CFAP70: variants seen among roughly 807,000 people sequenced by gnomAD.
CFAP70 encodes the protein cilia and flagella associated protein 70.
CFAP70 carries 81 observed loss-of-function variants against 137.6 expected under a neutral mutation model. The ratio of observed to expected loss-of-function variants is 0.59; its 90% CI spans 0.49 to 0.71. CFAP70 has a LOEUF of 0.71. Among genes scored for constraint, CFAP70 ranks in the 30% least tolerant of loss-of-function variants. The probability of loss-of-function intolerance (pLI) is 0.00; values close to 1 mark genes in which losing one functional copy is unlikely to be tolerated. For missense variants in CFAP70, 976 were observed against 1,226.7 expected (o/e 0.80, Z 3.05); for synonymous variants, 382 against 423.6 (o/e 0.90, Z 1.20).
intron 25 of CFAP70, among the ~76,000 whole-genome samples, chr10:73,259,461 C>A (rs565015325): frequency 6.6e-6 from 1 of 152,118 alleles, no homozygotes; most frequent in Non-Finnish European, 1.5e-5. Context: ...GCCCCTCCCC[C>A]TCCTTTGTTT....
chr10:73,350,434 TAC>T (rs554045063), intron 3 of CFAP70, among the ~76,000 whole-genome samples: 126 of 152,322 alleles, frequency 8.3e-4, no homozygotes, highest in African/African-American at 2.9e-3. Context: ...AAGGACCAGT[TAC>T]AGTTTCTTTT....
intron 1 of CFAP70, among the ~76,000 whole-genome samples, chr10:73,355,228 A>G (rs1778399261): frequency 6.6e-6 from 1 of 152,110 alleles, no homozygotes; most frequent in Non-Finnish European, 1.5e-5. Context: ...CTTCATCTCT[A>G]TTTACAGCCA....
At chr10:73,277,519 C>T (rs976391658) in intron 20 of CFAP70, among the ~76,000 whole-genome samples, 158 bp from the exon 22 acceptor site, 9 of 152,094 alleles carry the variant, frequency 5.9e-5, no homozygotes, top group African/African-American at 1.4e-4. Flanking sequence ...TCGAGACCAT[C>T]CTGGCCAACA....
chr10:73,308,810 GA>G (rs199522556), intron 12 of CFAP70, among the ~76,000 whole-genome samples: 9,464 of 92,390 alleles, frequency 0.1, 681 homozygotes, highest in African/African-American at 0.21. Context: ...CAAGAGAAAT[GA>G]AAAAAAAAAA....
At chr10:73,285,637 T>TTC (rs1554886989) in intron 19 of CFAP70, among the ~76,000 whole-genome samples, 1 of 143,848 alleles carries the variant, frequency 7.0e-6, no homozygotes, top group African/African-American at 2.7e-5. Flanking sequence ...TATATTTTCT[T>TTC]TTTTTTTTTT....
At chr10:73,261,261 G>C (rs1489742602) in intron 25 of CFAP70, among the ~76,000 whole-genome samples, 3 of 151,828 alleles carry the variant, frequency 2.0e-5, no homozygotes, top group Non-Finnish European at 4.4e-5. Context: ...CAAGTACATG[G>C]GACTACAGGC....
chr10:73,353,980 C>T (rs1345947392), intron 2 of CFAP70, among the ~76,000 whole-genome samples: 2 of 152,136 alleles, frequency 1.3e-5, no homozygotes, highest in Non-Finnish European at 2.9e-5. Context: ...TATTGTGTTT[C>T]ACCTAATAAT....
chr10:73,297,285 T>C, intron 14 of CFAP70, 112 bp from the exon 16 acceptor site: 1 of 1,124,422 alleles, frequency 8.9e-7, no homozygotes, highest in Non-Finnish European at 1.2e-6. Flanking sequence ...AGAAAGCGAT[T>C]GATTTCTCCC....
At chr10:73,284,907 G>T (rs1391875140) in intron 19 of CFAP70, among the ~76,000 whole-genome samples, 1 of 148,150 alleles carries the variant, frequency 6.7e-6, no homozygotes, top group Non-Finnish European at 1.5e-5. Flanking sequence ...GAGACCAGAT[G>T]GCCCACTTTC....
chr10:73,298,947 T>G, exon 14 of CFAP70: 1 of 1,614,088 alleles, frequency 6.2e-7, no homozygotes, highest in East Asian at 2.2e-5. Flanking sequence ...TCCAGAGCAA[T>G]TAAGTTCATA....
upstream of CFAP70, among the ~76,000 whole-genome samples, chr10:73,359,224 A>G (rs1355273418): frequency 6.6e-6 from 1 of 152,222 alleles, no homozygotes; most frequent in Non-Finnish European, 1.5e-5. Flanking sequence ...TGTTAATACA[A>G]ATTTTTAATA....
intron 19 of CFAP70, among the ~76,000 whole-genome samples, chr10:73,284,608 G>A (rs377350885): frequency 7.6e-5 from 11 of 145,038 alleles, no homozygotes; most frequent in Admixed American, 6.3e-4. Flanking sequence ...TGAATTATGC[G>A]AACATTTTTT....
chr10:73,301,116 C>G (rs2048918916), intron 12 of CFAP70, among the ~76,000 whole-genome samples: 1 of 152,160 alleles, frequency 6.6e-6, no homozygotes, highest in Non-Finnish European at 1.5e-5. Flanking sequence ...AATGCAGGAG[C>G]ATATTTCACC....
At chr10:73,283,065 T>G (rs2047382867) in intron 19 of CFAP70, among the ~76,000 whole-genome samples, 1 of 152,092 alleles carries the variant, frequency 6.6e-6, no homozygotes, top group African/African-American at 2.4e-5. Flanking sequence ...ACTACTGACT[T>G]CAAGTGAGCT....
rs188223543 is a variant in CFAP70, at chr10:73,312,163, C to G, written c.1084-249G>C. Among the ~76,000 whole-genome samples the G allele has an allele frequency of 3.1e-3, 473 of 152,094 alleles. 1 individual carries two copies. Among genetic ancestry groups the G allele is most frequent in the African/African-American group, 5.7e-3 (238 of 41,470 alleles). ...GTTGAACCATGAAAACACATGGACACAGGGAGGGGAACATCACAAACTGGG... is the reference window on the plus strand; with the variant it reads ...GTTGAACCATGAAAACACATGGACAGAGGGAGGGGAACATCACAAACTGGG... On this transcript the variant is annotated intron_variant, in intron 10 of 26. Transcript: ENST00000310715.
chr10:73,362,615 T>C (rs948929270), upstream of CFAP70, among the ~76,000 whole-genome samples: 1 of 152,214 alleles, frequency 6.6e-6, no homozygotes, highest in African/African-American at 2.4e-5. Flanking sequence ...GATTTTTGTA[T>C]GTTGCTTTTG....
intron 25 of CFAP70, among the ~76,000 whole-genome samples, chr10:73,265,333 AAAAG>A (rs1398878758): frequency 2.9e-3 from 443 of 151,858 alleles, no homozygotes; most frequent in African/African-American, 0.01. Flanking sequence ...AAAAAAAAAA[AAAAG>A]AAGAAGAAGA....
chr10:73,349,553 AAAAG>A (rs972346676), intron 3 of CFAP70, among the ~76,000 whole-genome samples: 1 of 152,048 alleles, frequency 6.6e-6, no homozygotes, highest in Non-Finnish European at 1.5e-5. Flanking sequence ...AAAAAAAAAA[AAAAG>A]AAAAAGAAAA....
chr10:73,339,105 G>C (rs1057158213), intron 6 of CFAP70, among the ~76,000 whole-genome samples: 5 of 151,686 alleles, frequency 3.3e-5, no homozygotes, highest in Admixed American at 6.6e-5. Flanking sequence ...TTTTAGTAGA[G>C]ACAGAGTTTC....
Sources: gnomAD v4.1 joint callset for allele counts (sites outside exome capture counted in the v4.1 genomes callset) on GRCh38, gnomAD v4.1.1 for gene constraint, MANE v1.5 for transcripts, NCBI Gene and HGNC (gene_info 2026-07-23, HGNC 2026-07-21) for gene names.